Variants in APPL2 observed in about 807,000 individuals in gnomAD.
APPL2 encodes DCC-interacting protein 13-beta.
Under a neutral mutation model 92.7 loss-of-function variants are expected in APPL2, and 84 were observed. The ratio of observed to expected loss-of-function variants is 0.91; its 90% confidence interval spans 0.76 to 1.09. APPL2 has a LOEUF of 1.09. Among genes scored for constraint, APPL2 ranks in the 50% least tolerant of loss-of-function variants. The probability of loss-of-function intolerance (pLI) is 0.00; values close to 1 mark genes in which losing one functional copy is unlikely to be tolerated. For missense variants in APPL2, 736 were observed against 824.5 expected, an observed-to-expected ratio of 0.89 and a Z score of 1.31; for synonymous variants, 291 against 291.0, an observed-to-expected ratio of 1.00 and a Z score of 0.00.
At chr12:105,229,245 G>C (rs772382741) in intron 1 of APPL2, 22 bp from the exon 2 acceptor site, 1 of 1,597,944 alleles carries the variant, frequency 6.3e-7, no homozygotes, top group Non-Finnish European at 8.5e-7. Context: ...GAAGAAAAAA[G>C]GTCAATTTCA....
intron 17 of APPL2, among the ~76,000 whole-genome samples, chr12:105,185,495 G>C (rs1566054750): frequency 6.6e-6 from 1 of 152,026 alleles, no homozygotes; most frequent in Non-Finnish European, 1.5e-5. Flanking sequence ...CCTTGGCTAG[G>C]GGAGGGAGTT....
intron 4 of APPL2, among the ~76,000 whole-genome samples, chr12:105,214,004 G>A (rs1889435619): frequency 6.6e-6 from 1 of 152,076 alleles, no homozygotes; most frequent in Non-Finnish European, 1.5e-5. Flanking sequence ...TGACCAACAT[G>A]GAGAAACCCC....
At position 105,190,003 on chromosome 12, in the gene APPL2, T is replaced by C. The variant is rs1347662283; in HGVS notation, c.1394A>G (p.Asn465Ser). 5 of 1,614,190 alleles carry C rather than the reference T, an allele frequency of 3.1e-6. No individual in the cohort carries two copies. The Admixed American group carries it at 8.3e-5, about 27-fold the overall frequency. ...VLPATEFLDQNRGSRRTNPFG... is the reference protein window; with the variant it reads ...VLPATEFLDQSRGSRRTNPFG... ...TCTCAGCCCATACCTGCTCCCTCTG[T>C]TCTGATCAAGGAATTCTGTAGCAGG... Residue 465 changes from asparagine to serine, a missense_variant, in exon 15 of 21, where the codon AAC becomes AGC. Physicochemically the swap from Asn to Ser is conservative, Grantham distance 46. Coordinates refer to ENST00000258530, the MANE Select transcript of APPL2 (RefSeq NM_018171.5).
In APPL2 at chr12:105,174,897, G is replaced by A. The variant is rs188168671; in HGVS notation, c.1861-449C>T. 8.5e-4 allele frequency among the ~76,000 whole-genome samples: 128 copies of A among 149,770 alleles called. 1 individual carries two copies. Among genetic ancestry groups the A allele is most frequent in the African/African-American group, 2.8e-3 (114 of 40,814 alleles). ...TTGGTGGGGGGGGGGGTGGTGCGGCGGTTGGAGACAGAGTCTCGCTCTATC... is the reference window on the plus strand; with the variant it reads ...TTGGTGGGGGGGGGGGTGGTGCGGCAGTTGGAGACAGAGTCTCGCTCTATC... On this transcript the variant is annotated intron_variant, in intron 20 of 20. Transcript: ENST00000258530.
chr12:105,174,943 G>C (rs979257413), intron 20 of APPL2, among the ~76,000 whole-genome samples: 1 of 151,108 alleles, frequency 6.6e-6, no homozygotes, highest in African/African-American at 2.4e-5. Context: ...GAGAGCAGTG[G>C]TATGATCTCA....
chr12:105,191,483 G>T (rs568766659), intron 14 of APPL2, among the ~76,000 whole-genome samples: 6 of 152,342 alleles, frequency 3.9e-5, no homozygotes, highest in African/African-American at 1.4e-4. Context: ...GCTTCAAGGG[G>T]AGAAAGTGAG....
intron 5 of APPL2, among the ~76,000 whole-genome samples, chr12:105,208,569 T>C (rs1329296776): frequency 1.3e-5 from 2 of 152,210 alleles, no homozygotes; most frequent in Non-Finnish European, 2.9e-5. Context: ...ATAGAGTGTC[T>C]TAATACATCT....
intron 20 of APPL2, 145 bp from the exon 21 acceptor site, chr12:105,174,593 C>T: frequency 1.3e-6 from 1 of 756,766 alleles, no homozygotes; most frequent in Non-Finnish European, 1.9e-6. Flanking sequence ...AGTCTCCTTG[C>T]TTCTCAAACT....
At chr12:105,222,499 T>C (rs1890183203) in intron 2 of APPL2, among the ~76,000 whole-genome samples, 2 of 152,154 alleles carry the variant, frequency 1.3e-5, no homozygotes. Context: ...GCTGCCCATG[T>C]GGAAGGCCAG....
chr12:105,225,222 G>A (rs1443283973), intron 2 of APPL2, among the ~76,000 whole-genome samples: 2 of 151,998 alleles, frequency 1.3e-5, no homozygotes, highest in Non-Finnish European at 2.9e-5. Context: ...ACAGAGGTTT[G>A]TCATCTGGTG....
Position 105,197,764 on chromosome 12 carries a change from C to G in APPL2, c.1052+1G>C. 1 of 1,614,168 alleles carries G rather than the reference C, an allele frequency of 6.2e-7. No homozygotes were observed. The highest frequency in any genetic ancestry group is 8.5e-7 in the Non-Finnish European group (1 of 1,180,020). ...TCCCAAATAAAACGCGTGAAACATA[C>G]GATTTTCCATTGGGCGTGGTGATCT... On this transcript the variant is annotated splice_donor_variant, in intron 11 of 20. Coordinates refer to ENST00000258530, the MANE Select transcript of APPL2 (RefSeq NM_018171.5). LOFTEE classifies it high-confidence loss of function.
chr12:105,195,249 T>A lies in APPL2; in HGVS notation c.1241+12A>T. On this transcript the variant is annotated intron_variant, in intron 14 of 20. Coordinates refer to ENST00000258530, the MANE Select transcript of APPL2 (RefSeq NM_018171.5). ...CTCCACAAAAGCTAGTTTTTCTTTG[T>A]CCTTTAGTTACCTGGGGCATGAGCT... 6.2e-7 allele frequency: 1 copy of A among 1,613,860 alleles called. No homozygotes were observed. Among genetic ancestry groups the A allele is most frequent in the Non-Finnish European group, 8.5e-7 (1 of 1,179,760 alleles).
intron 17 of APPL2, among the ~76,000 whole-genome samples, chr12:105,186,773 G>C (rs115666941): frequency 6.7e-6 from 1 of 148,494 alleles, no homozygotes; most frequent in Non-Finnish European, 1.5e-5. Flanking sequence ...GTGTGCATGC[G>C]TGCGCACGCC....
intron 4 of APPL2, among the ~76,000 whole-genome samples, chr12:105,212,761 C>G (rs141606195): frequency 6.0e-4 from 92 of 152,372 alleles, no homozygotes; most frequent in Non-Finnish European, 1.1e-3. Context: ...CACGCATATT[C>G]ATCAACCTTC....
At chr12:105,180,382 T>C (rs1196860) in intron 17 of APPL2, among the ~76,000 whole-genome samples, 56,797 of 151,976 alleles carry the variant, frequency 0.37, 11,595 homozygotes, top group Middle Eastern at 0.55. Flanking sequence ...ACTGTAGCCT[T>C]GTAGTATAGT....
At position 105,229,019 on chromosome 12, in the gene APPL2, T is replaced by G. The variant is rs75964923; in HGVS notation, c.153+106A>C. ...ACAGTTCTGATTTTGTTTCAAAATC[T>G]TAAATGATGTTTTTCGGATTCCAAT... is the stretch of plus-strand genomic sequence containing the variant. On this transcript the variant is annotated intron_variant, in intron 2 of 20. Coordinates refer to ENST00000258530, the MANE Select transcript of APPL2 (RefSeq NM_018171.5). 2.8e-4 allele frequency: 274 copies of G among 974,832 alleles called. 4 individuals carry two copies. The East Asian group carries it at 6.9e-3, about 25-fold the overall frequency. The allele number at this position is 974,832 out of a possible 1,614,324, so 60.4% of individuals were successfully genotyped here.
intron 1 of APPL2, chr12:105,233,294 G>A (rs1187120428): frequency 1.3e-5 from 13 of 985,336 alleles, no homozygotes; most frequent in African/African-American, 3.5e-5. Flanking sequence ...AAGGAGCAGA[G>A]GCTTCTAAAC....
At chr12:105,224,685 T>C (rs1890364631) in intron 2 of APPL2, among the ~76,000 whole-genome samples, 1 of 152,204 alleles carries the variant, frequency 6.6e-6, no homozygotes, top group Admixed American at 6.5e-5. Flanking sequence ...CGTGGCACTT[T>C]TATGTGCCTA....
At chr12:105,198,090 C>G in intron 10 of APPL2, 137 bp from the exon 11 acceptor site, 1 of 799,716 alleles carries the variant, frequency 1.3e-6, no homozygotes, top group African/African-American at 1.7e-5. Flanking sequence ...CAAAACTGCC[C>G]ATTCAAGTGG....
Sources: allele counts gnomAD v4.1 joint callset (sites outside exome capture counted in the v4.1 genomes callset), GRCh38; gene constraint gnomAD v4.1.1; transcripts MANE v1.5; gene names NCBI Gene and HGNC (gene_info 2026-07-23, HGNC 2026-07-21).